APOD: variants seen among roughly 807,000 people sequenced by gnomAD.
The protein encoded by APOD is apo-D.
Under a neutral mutation model 20.4 loss-of-function variants are expected in APOD, and 22 were observed. The ratio of observed to expected loss-of-function variants is 1.08; its 90% CI spans 0.77 to 1.54. The LOEUF (loss-of-function observed/expected upper bound fraction) is 1.54, where lower values mean the gene tolerates loss of function less well. APOD is among the 40% of genes most tolerant of loss of function. The probability of loss-of-function intolerance (pLI) is 0.00; values close to 1 mark genes in which losing one functional copy is unlikely to be tolerated. For missense variants in APOD, 223 were observed against 229.6 expected, an observed-to-expected ratio of 0.97 and a Z score of 0.19; for synonymous variants, 97 against 92.4, an observed-to-expected ratio of 1.05 and a Z score of -0.29.
At chr3:195,576,645 A>G (rs1326728013) in intron 2 of APOD, among the ~76,000 whole-genome samples, 1 of 151,932 alleles carries the variant, frequency 6.6e-6, no homozygotes, top group Non-Finnish European at 1.5e-5. Flanking sequence ...CCCCATCTCT[A>G]TAAAAAATTT....
At chr3:195,581,603 G>T (rs972081538) in intron 1 of APOD, among the ~76,000 whole-genome samples, 3 of 152,164 alleles carry the variant, frequency 2.0e-5, no homozygotes, top group Non-Finnish European at 4.4e-5. Flanking sequence ...TGGGACTCGA[G>T]CTCCATCTCC....
chr3:195,580,923 T>G (rs13302958), intron 1 of APOD, among the ~76,000 whole-genome samples: 1 of 152,026 alleles, frequency 6.6e-6, no homozygotes, highest in African/African-American at 2.4e-5. Flanking sequence ...CGCTGTCAAT[T>G]TGCTCCTTTC....
chr3:195,572,571 G>A (rs1249535621), intron 3 of APOD, among the ~76,000 whole-genome samples: 1 of 152,198 alleles, frequency 6.6e-6, no homozygotes, highest in Non-Finnish European at 1.5e-5. Flanking sequence ...AAGGGGAAAG[G>A]TGTGGAGATG....
At chr3:195,578,368 G>T (rs916819649) in intron 2 of APOD, among the ~76,000 whole-genome samples, 1 of 151,976 alleles carries the variant, frequency 6.6e-6, no homozygotes, top group Non-Finnish European at 1.5e-5. Flanking sequence ...CCCACCCAGC[G>T]TCCCCTCAGA....
chr3:195,572,060 C>T lies in APOD; in HGVS notation c.246-695G>A, dbSNP rs149786124. 9.3e-3 allele frequency among the ~76,000 whole-genome samples: 1,417 copies of T among 152,332 alleles called. 23 individuals are homozygous for T. The highest frequency in any genetic ancestry group is 0.032 in the African/African-American group (1,344 of 41,580). ...CCTCCCAAAGTGCTGGGATTACAGG[C>T]GTGAGCCGCCGTGCCTGGCAGATTC... On this transcript the variant is annotated intron_variant, in intron 3 of 4. Transcript: ENST00000343267.
rs1279679431 is a variant in APOD, at chr3:195,573,881, C to T, written c.214G>A (p.Gly72Arg). 7 of 1,614,016 alleles carry T rather than the reference C, an allele frequency of 4.3e-6. No individual in the cohort carries two copies. The highest frequency in any genetic ancestry group is 3.3e-5 in the South Asian group (3 of 91,072). ...IQANYSLMEN[G>R]KIKVLNQELR... ...TCCTGGTTTAACACTTTGATCTTTC[C>T]GTTTTCCATTAGTGAGTAGTTGGCC... Residue 72 changes from glycine (G) to arginine (R), a missense_variant, in exon 3 of 5, where the codon GGA (glycine) becomes AGA (arginine). Physicochemically the swap from Gly to Arg is moderately radical, Grantham distance 125 (BLOSUM62 -2). Coordinates refer to ENST00000343267, the MANE Select transcript of APOD (RefSeq NM_001647.4).
chr3:195,576,064 A>G (rs1448791136), intron 2 of APOD, among the ~76,000 whole-genome samples: 1 of 152,242 alleles, frequency 6.6e-6, no homozygotes, highest in African/African-American at 2.4e-5. Context: ...ATGACCATAA[A>G]GTTCTACTCA....
chr3:195,578,089 A>G (rs1720275956), intron 2 of APOD, among the ~76,000 whole-genome samples: 1 of 152,216 alleles, frequency 6.6e-6, no homozygotes, highest in African/African-American at 2.4e-5. Flanking sequence ...TAAAGCTGCT[A>G]TTTTTTAAAT....
Position 195,579,497 on chromosome 3 carries a change from T to C in APOD, c.-34-2A>G, listed in dbSNP as rs760907240. 1.9e-6 allele frequency: 3 copies of C among 1,606,654 alleles called. No homozygotes were observed. Among genetic ancestry groups the C allele is most frequent in the Non-Finnish European group, 2.5e-6 (3 of 1,179,634 alleles). On this transcript the variant is annotated splice_acceptor_variant, in intron 1 of 4. Transcript: ENST00000343267. LOFTEE classifies it low-confidence loss of function (5UTR_SPLICE). ...GGTGGCTGGAGAAGGGACCTGGAGC[T>C]GCGGGAACGCAAAGCAGCTGGGGTT... is the stretch of plus-strand genomic sequence containing the variant.
At chr3:195,571,215 C>A (rs756776458) in intron 4 of APOD, 62 bp downstream of exon 4, 58 of 1,413,628 alleles carry the variant, frequency 4.1e-5, no homozygotes, top group Non-Finnish European at 5.6e-5. Context: ...CAAGCCGGGG[C>A]GCTAGCCTTC....
chr3:195,569,114 C>T lies in APOD; in HGVS notation c.356G>A (p.Trp119Ter), dbSNP rs1414406795. Residue 119 changes from tryptophan (W) to a stop codon, truncating the protein, a stop_gained, in exon 5 of 5, where the codon TGG becomes TAG. Transcript: ENST00000343267. LOFTEE classifies it high-confidence loss of function. The stretch of plus-strand genomic sequence containing the variant: ...GTTCTCATAGTCGGTGGCCAGGATC[C>T]AGTACGGTGCCGATGGCATAACTGA... ...FSWFMPSAPY[W>*]ILATDYENYA... 1.9e-6 allele frequency: 3 copies of T among 1,613,874 alleles called. No individual in the cohort carries two copies. The highest frequency in any genetic ancestry group is 2.7e-5 in the African/African-American group (2 of 74,846).
At position 195,569,044 on chromosome 3, in the gene APOD, G is replaced by C; in HGVS notation, c.426C>G (p.His142Gln). Residue 142 changes from histidine (H) to glutamine (Q), a missense_variant, in exon 5 of 5, where the codon CAC (histidine) becomes CAG (glutamine). Transcript: ENST00000343267. The part of the protein sequence containing the change: ...YSCTCIIQLF[H>Q]VDFAWILARN... The stretch of plus-strand genomic sequence containing the variant: ...TTGCCAAGATCCAAGCAAAATCCAC[G>C]TGAAAAAGTTGGATGATGCAGGTAC... 6.2e-7 allele frequency: 1 copy of C among 1,614,148 alleles called. No individual in the cohort carries two copies. The highest frequency in any genetic ancestry group is 8.5e-7 in the Non-Finnish European group (1 of 1,180,016).
intron 1 of APOD, chr3:195,583,121 C>T (rs71317986): frequency 0.15 from 23,531 of 152,160 alleles, 2,340 homozygotes; most frequent in Non-Finnish European, 0.23. Context: ...TCAGTCTCCA[C>T]AGCACCTCCT....
chr3:195,580,371 T>C (rs2108971266), intron 1 of APOD, among the ~76,000 whole-genome samples: 1 of 150,870 alleles, frequency 6.6e-6, no homozygotes, highest in East Asian at 1.9e-4. Context: ...CTTTCTTCTT[T>C]TTTTTTTTTT....
intron 3 of APOD, 119 bp from the exon 4 acceptor site, chr3:195,571,484 A>G (rs1720158779): frequency 1.2e-6 from 1 of 837,176 alleles, no homozygotes; most frequent in South Asian, 1.7e-5. Flanking sequence ...CGTGGCAGCC[A>G]ACACCGTGAT....
chr3:195,569,295 A>G (rs576947841), intron 4 of APOD, among the ~76,000 whole-genome samples, 160 bp from the exon 5 acceptor site: 5 of 152,302 alleles, frequency 3.3e-5, no homozygotes, highest in African/African-American at 4.8e-5. Context: ...AGTTTGGACG[A>G]AAGCCTAGAC....
At chr3:195,573,812 C>T (rs1560045355) in intron 3 of APOD, 38 bp downstream of exon 3, 7 of 1,607,770 alleles carry the variant, frequency 4.4e-6, no homozygotes, top group South Asian at 2.2e-5. Flanking sequence ...TGCATCAGCA[C>T]TCCGCAGGCC....
rs1720301978 is a variant in APOD at position 195,579,616 on chromosome 3, G to A, written c.-34-121C>T. The stretch of plus-strand genomic sequence containing the variant: ...GGCGGTCCCTCCTCTTCTCTCCCCA[G>A]CCCATGTGAACCCTCATCCTGCAGG... On this transcript the variant is annotated intron_variant, in intron 1 of 4. Coordinates refer to ENST00000343267, the MANE Select transcript of APOD (RefSeq NM_001647.4). 9 of 1,083,034 alleles carry A rather than the reference G, an allele frequency of 8.3e-6. No individual in the cohort carries two copies. The East Asian group carries it at 2.3e-4, about 28-fold the overall frequency. 67.1% of individuals were successfully genotyped at this position (1,083,034 alleles called of 1,614,324 possible).
intron 2 of APOD, among the ~76,000 whole-genome samples, chr3:195,575,239 T>C (rs1720229231): frequency 6.6e-6 from 1 of 152,232 alleles, no homozygotes; most frequent in South Asian, 2.1e-4. Flanking sequence ...ATCAAACCTC[T>C]CTCTCTTATC....
Sources: gnomAD v4.1 joint callset for allele counts (sites outside exome capture counted in the v4.1 genomes callset) on GRCh38, gnomAD v4.1.1 for gene constraint, MANE v1.5 for transcripts, NCBI Gene and HGNC (gene_info 2026-07-23, HGNC 2026-07-21) for gene names.